Variants in PIWIL2 observed in about 807,000 individuals in gnomAD.
The protein encoded by PIWIL2 is piwi-like protein 2.
PIWIL2 carries 81 observed loss-of-function variants against 116.5 expected under a neutral mutation model. The ratio of observed to expected loss-of-function variants is 0.70; its 90% CI spans 0.58 to 0.84. The LOEUF (loss-of-function observed/expected upper bound fraction) is 0.84. PIWIL2 is among the 40% of genes least tolerant of loss of function. The probability of loss-of-function intolerance (pLI) is 0.00; values close to 1 mark genes in which losing one functional copy is unlikely to be tolerated. For synonymous variants in PIWIL2, 489 were observed against 429.5 expected, an observed-to-expected ratio of 1.14 and a Z score of -1.71; for missense variants, 1,272 against 1,212.3, an observed-to-expected ratio of 1.05 and a Z score of -0.73.
intron 13 of PIWIL2, among the ~76,000 whole-genome samples, chr8:22,307,685 C>G (rs542475122): frequency 2.0e-5 from 3 of 151,600 alleles, no homozygotes; most frequent in Non-Finnish European, 4.4e-5. Context: ...AGAGTCTTGC[C>G]CATGTTGCCC....
chr8:22,351,549 T>C (rs1295052118), intron 20 of PIWIL2, among the ~76,000 whole-genome samples: 9 of 146,860 alleles, frequency 6.1e-5, no homozygotes, highest in African/African-American at 2.0e-4. Flanking sequence ...TTTTTGTTTT[T>C]TGTTTTGAGA....
intron 20 of PIWIL2, among the ~76,000 whole-genome samples, chr8:22,329,871 G>C (rs1208380221): frequency 6.6e-6 from 1 of 152,170 alleles, no homozygotes; most frequent in Non-Finnish European, 1.5e-5. Flanking sequence ...AAAATCTGCA[G>C]GATGAACCAA....
At chr8:22,276,381 T>G (rs1830370431) in intron 1 of PIWIL2, among the ~76,000 whole-genome samples, 1 of 152,266 alleles carries the variant, frequency 6.6e-6, no homozygotes. Context: ...AGTGGCGTGA[T>G]CTCTGCTCAC....
chr8:22,284,394 T>C (rs1830585165), intron 6 of PIWIL2, 122 bp downstream of exon 6: 1 of 529,032 alleles, frequency 1.9e-6, no homozygotes, highest in African/African-American at 1.9e-5. Flanking sequence ...CAATAATGTG[T>C]TTACTCAGAT....
At chr8:22,302,537 T>TCA (rs1831076407) in intron 10 of PIWIL2, among the ~76,000 whole-genome samples, 1 of 152,164 alleles carries the variant, frequency 6.6e-6, no homozygotes, top group Non-Finnish European at 1.5e-5. Context: ...AAGACTCTGT[T>TCA]ATTTCTGTGG....
chr8:22,312,516 T>C (rs1831357868), intron 16 of PIWIL2, among the ~76,000 whole-genome samples: 1 of 152,148 alleles, frequency 6.6e-6, no homozygotes, highest in Non-Finnish European at 1.5e-5. Context: ...TCCTGCTGCC[T>C]CAACCTCCCA....
At chr8:22,295,116 T>A (rs531214033) in intron 10 of PIWIL2, among the ~76,000 whole-genome samples, 4 of 152,144 alleles carry the variant, frequency 2.6e-5, no homozygotes, top group South Asian at 4.2e-4. Flanking sequence ...TCCACAGTTA[T>A]CTTGGATTTT....
chr8:22,297,741 A>G (rs976466859), intron 10 of PIWIL2, among the ~76,000 whole-genome samples: 16 of 152,056 alleles, frequency 1.1e-4, no homozygotes, highest in Admixed American at 9.8e-4. Context: ...AAAATTACTG[A>G]TAGGAACCAT....
intron 10 of PIWIL2, among the ~76,000 whole-genome samples, chr8:22,291,817 G>T (rs1830774415): frequency 6.6e-6 from 1 of 152,104 alleles, no homozygotes; most frequent in African/African-American, 2.4e-5. Flanking sequence ...TCCCCTCACA[G>T]AGCCTCTGTT....
Position 22,304,200 on chromosome 8 carries a change from A to G in PIWIL2, c.1361A>G (p.Glu454Gly), listed in dbSNP as rs748984666. The G allele has an allele frequency of 2.5e-6, 4 of 1,611,898 alleles. No individual in the cohort carries two copies. The South Asian group carries it at 4.4e-5, about 18-fold the overall frequency. The change falls in exon 11 of 23, where the codon GAA becomes GGA. Residue 454 changes from glutamate (E) to glycine (G), a missense_variant. Glu to Gly is a moderately conservative substitution (Grantham distance 98). Transcript: ENST00000356766. ...MSDGKEITFL[E>G]YYSKNYGITV... The stretch of plus-strand genomic sequence containing the variant: ...GATGGGAAAGAGATCACATTCTTGG[A>G]ATACTACAGGTAGCAAGAAGAGACT...
intron 20 of PIWIL2, among the ~76,000 whole-genome samples, chr8:22,343,421 G>A (rs1832154124): frequency 6.6e-6 from 1 of 151,322 alleles, no homozygotes; most frequent in South Asian, 2.1e-4. Context: ...GGCAGCAAGA[G>A]CGAAACTCCA....
chr8:22,318,040 G>T, intron 19 of PIWIL2, 130 bp from the exon 20 acceptor site: 2 of 592,900 alleles, frequency 3.4e-6, no homozygotes, highest in East Asian at 2.8e-5. Context: ...ACATATAAAT[G>T]CATTTTCTAG....
intron 20 of PIWIL2, among the ~76,000 whole-genome samples, chr8:22,348,854 A>G (rs1832287499): frequency 6.6e-6 from 1 of 152,196 alleles, no homozygotes; most frequent in Admixed American, 6.5e-5. Flanking sequence ...TGAAGAAAAT[A>G]GACTAGATGA....
chr8:22,346,156 C>G (rs977441829), intron 20 of PIWIL2, among the ~76,000 whole-genome samples: 10 of 152,006 alleles, frequency 6.6e-5, no homozygotes, highest in Non-Finnish European at 1.5e-4. Context: ...GCCAGGAGTT[C>G]AAGGCTGCAG....
intron 2 of PIWIL2, among the ~76,000 whole-genome samples, chr8:22,280,861 C>G (rs1267358456): frequency 6.9e-6 from 1 of 144,236 alleles, no homozygotes; most frequent in Non-Finnish European, 1.5e-5. Flanking sequence ...TTTATCAAAT[C>G]AAAATGGAAA....
At chr8:22,295,854 G>A (rs1830886652) in intron 10 of PIWIL2, among the ~76,000 whole-genome samples, 1 of 152,066 alleles carries the variant, frequency 6.6e-6, no homozygotes, top group Non-Finnish European at 1.5e-5. Context: ...TACAAAATAA[G>A]GTTACTTTCT....
intron 20 of PIWIL2, among the ~76,000 whole-genome samples, chr8:22,330,403 A>T (rs1229037337): frequency 6.6e-6 from 1 of 152,160 alleles, no homozygotes. Flanking sequence ...AACAATATTT[A>T]AAATAGTTGA....
intron 10 of PIWIL2, among the ~76,000 whole-genome samples, chr8:22,295,580 C>G (rs987671442): frequency 6.6e-5 from 10 of 152,068 alleles, no homozygotes; most frequent in African/African-American, 2.4e-4. Context: ...CATGGACCCT[C>G]TCAGTGTAGC....
chr8:22,318,806 T>A (rs1047290894), intron 20 of PIWIL2, among the ~76,000 whole-genome samples: 2 of 152,212 alleles, frequency 1.3e-5, no homozygotes, highest in Non-Finnish European at 2.9e-5. Context: ...TTTGGTTTAG[T>A]AAGTAATAAT....
Sources: gnomAD v4.1 joint callset for allele counts (sites outside exome capture counted in the v4.1 genomes callset) on GRCh38, gnomAD v4.1.1 for gene constraint, MANE v1.5 for transcripts, NCBI Gene and HGNC (gene_info 2026-07-23, HGNC 2026-07-21) for gene names.